The following TC2N variants were observed in gnomAD, a reference collection of about 807,000 sequenced individuals.
TC2N encodes tandem C2 domains nuclear protein.
TC2N carries 51 observed loss-of-function variants against 61.9 expected under a neutral mutation model. The ratio of observed to expected loss-of-function variants is 0.82; its 90% CI spans 0.66 to 1.04. TC2N has a LOEUF of 1.04. TC2N is among the 50% of genes least tolerant of loss of function. TC2N has a pLI of 0.00. For synonymous variants in TC2N, 204 were observed against 192.6 expected, an observed-to-expected ratio of 1.06 and a Z score of -0.49; for missense variants, 556 against 566.7, an observed-to-expected ratio of 0.98 and a Z score of 0.19.
chr14:91,850,951 T>C (rs1404115507), intron 1 of TC2N, among the ~76,000 whole-genome samples: 1 of 151,966 alleles, frequency 6.6e-6, no homozygotes, highest in East Asian at 1.9e-4. Context: ...GAAAAAAATA[T>C]CTAATGCCTG....
intron 1 of TC2N, among the ~76,000 whole-genome samples, chr14:91,848,853 T>A (rs1888319923): frequency 6.6e-6 from 1 of 152,236 alleles, no homozygotes; most frequent in African/African-American, 2.4e-5. Context: ...TAGCTCTTCA[T>A]AGTCATCATC....
At chr14:91,785,050 G>T in intron 11 of TC2N, 112 bp downstream of exon 11, 1 of 620,712 alleles carries the variant, frequency 1.6e-6, no homozygotes, top group South Asian at 4.1e-5. Context: ...TTTGATTTAT[G>T]ATGCTGAAGA....
At position 91,783,651 on chromosome 14, in the gene TC2N, G is replaced by A. The variant is rs185053676; in HGVS notation, c.1363-441C>T. 2.6e-5 allele frequency among the ~76,000 whole-genome samples: 4 copies of A among 152,120 alleles called. No individual in the cohort carries two copies. In the East Asian group the frequency reaches 7.7e-4, roughly 29 times the overall value. ...AATCACCTTTTACAAGAAATAAAGT[G>A]TAATCTTAATTAAAATCTAATAGTC... is the stretch of plus-strand genomic sequence containing the variant. On this transcript the variant is annotated intron_variant, in intron 11 of 11. Transcript: ENST00000435962.
intron 1 of TC2N, among the ~76,000 whole-genome samples, chr14:91,830,384 T>A (rs539360900): frequency 6.6e-6 from 1 of 152,288 alleles, no homozygotes; most frequent in Non-Finnish European, 1.5e-5. Context: ...ACAAATGAAG[T>A]ACTGATTCAC....
intron 9 of TC2N, among the ~76,000 whole-genome samples, chr14:91,791,993 C>A (rs1885679925): frequency 6.6e-6 from 1 of 152,056 alleles, no homozygotes; most frequent in Admixed American, 6.5e-5. Flanking sequence ...GTGGTGGGCG[C>A]CTGTAGTCCC....
At chr14:91,794,266 G>C (rs1337494119) in intron 8 of TC2N, among the ~76,000 whole-genome samples, 4 of 152,218 alleles carry the variant, frequency 2.6e-5, no homozygotes, top group African/African-American at 9.6e-5. Context: ...GAAGCAGCAA[G>C]TGCTAATGTA....
In TC2N at chr14:91,787,603, C is replaced by T; in HGVS notation, c.1072G>A (p.Gly358Arg). The change falls in exon 10 of 12, where the codon GGG (glycine) becomes AGG (arginine). Residue 358 changes from glycine to arginine, a missense_variant. Physicochemically the swap from Gly to Arg is moderately radical, Grantham distance 125. Transcript: ENST00000435962. ...CTATTTACTGCTTGAAAACAAGTCC[C>T]CAATTCAAGTTCTGCATGGCAAACC... ...ISVCHAELEL[G>R]TCFQAVNSRI... 1 of 1,610,998 alleles carries T rather than the reference C, an allele frequency of 6.2e-7. No homozygotes were observed. The highest frequency in any genetic ancestry group is 8.5e-7 in the Non-Finnish European group (1 of 1,178,596).
In TC2N at chr14:91,847,480, G is replaced by A. The variant is rs1386768339; in HGVS notation, c.-57+19782C>T. On this transcript the variant is annotated intron_variant, in intron 1 of 11. Coordinates refer to ENST00000435962, the MANE Select transcript of TC2N (RefSeq NM_001128596.3). ...GCAGTTTCTACATAGTTATCTTTGT[G>A]TGCTTACTCTTGGAATCCAGCTACC... is the stretch of plus-strand genomic sequence containing the variant. Among the ~76,000 whole-genome samples the A allele has an allele frequency of 2.6e-5, 4 of 152,316 alleles. No homozygotes were observed. The East Asian group carries it at 5.8e-4, about 22-fold the overall frequency.
In TC2N at chr14:91,855,811, G is replaced by A. The variant is rs145378378; in HGVS notation, c.-57+11451C>T. On this transcript the variant is annotated intron_variant, in intron 1 of 11. Coordinates refer to ENST00000435962, the MANE Select transcript of TC2N (RefSeq NM_001128596.3). ...GGGAGTTGTGGCAGTGGTAAAAATG[G>A]CCTGTGAACCAAACGAATTCAAGGG... Among the ~76,000 whole-genome samples the A allele has an allele frequency of 9.0e-3, 1,376 of 152,292 alleles. 28 individuals are homozygous for A. Among genetic ancestry groups the A allele is most frequent in the African/African-American group, 0.032 (1,324 of 41,542 alleles).
chr14:91,821,519 A>G (rs536758554), intron 1 of TC2N, among the ~76,000 whole-genome samples: 1 of 152,208 alleles, frequency 6.6e-6, no homozygotes, highest in East Asian at 1.9e-4. Flanking sequence ...TTATGCACCT[A>G]TATGTAAGAG....
At chr14:91,831,886 A>G (rs1887786497) in intron 1 of TC2N, among the ~76,000 whole-genome samples, 1 of 152,216 alleles carries the variant, frequency 6.6e-6, no homozygotes, top group Non-Finnish European at 1.5e-5. Flanking sequence ...GAAGGTAAAG[A>G]TTTGTTAAAC....
chr14:91,849,816 G>A (rs1888337385), intron 1 of TC2N, among the ~76,000 whole-genome samples: 1 of 152,212 alleles, frequency 6.6e-6, no homozygotes. Flanking sequence ...GGGAGGCCAA[G>A]ATGGGTGGAT....
intron 1 of TC2N, among the ~76,000 whole-genome samples, chr14:91,844,813 C>G (rs1379082693): frequency 1.3e-5 from 2 of 149,466 alleles, no homozygotes; most frequent in Non-Finnish European, 3.0e-5. Flanking sequence ...TGGCAGGGAC[C>G]AGGGTCAAAG....
At chr14:91,859,939 G>A (rs1330538964) in intron 1 of TC2N, among the ~76,000 whole-genome samples, 1 of 152,188 alleles carries the variant, frequency 6.6e-6, no homozygotes, top group Admixed American at 6.5e-5. Context: ...AGCTGGAACT[G>A]GAGCAGCAGG....
chr14:91,859,538 G>A (rs1442796810), intron 1 of TC2N, among the ~76,000 whole-genome samples: 1 of 152,102 alleles, frequency 6.6e-6, no homozygotes, highest in Non-Finnish European at 1.5e-5. Flanking sequence ...CACCTACTAT[G>A]GGCCAGGCAC....
At chr14:91,842,132 A>AT (rs1224654815) in intron 1 of TC2N, among the ~76,000 whole-genome samples, 3 of 151,516 alleles carry the variant, frequency 2.0e-5, no homozygotes, top group Admixed American at 6.6e-5. Context: ...AATTTTTTGT[A>AT]TTTTTTTGTA....
At chr14:91,835,232 C>T (rs1050446218) in intron 1 of TC2N, among the ~76,000 whole-genome samples, 28 of 152,154 alleles carry the variant, frequency 1.8e-4, no homozygotes, top group African/African-American at 3.6e-4. Flanking sequence ...GCAAAAATTA[C>T]AAAATACAAA....
chr14:91,821,672 C>A (rs117150434), intron 1 of TC2N, among the ~76,000 whole-genome samples: 5,671 of 152,052 alleles, frequency 0.037, 163 homozygotes, highest in Middle Eastern at 0.092. Context: ...AAATTAAAAA[C>A]TTTGTGCTTT....
chr14:91,787,798 T>C (rs1160987788), intron 9 of TC2N, among the ~76,000 whole-genome samples, 171 bp from the exon 10 acceptor site: 1 of 152,198 alleles, frequency 6.6e-6, no homozygotes, highest in Non-Finnish European at 1.5e-5. Context: ...ATGAATTCTT[T>C]AAAGTACTCA....
Sources: gnomAD v4.1 joint callset for allele counts (sites outside exome capture counted in the v4.1 genomes callset) on GRCh38, gnomAD v4.1.1 for gene constraint, MANE v1.5 for transcripts, NCBI Gene and HGNC (gene_info 2026-07-23, HGNC 2026-07-21) for gene names.